BRD8: variants seen among roughly 807,000 people sequenced by gnomAD.
The protein encoded by BRD8 is bromodomain-containing protein 8.
Under a neutral mutation model 143.1 loss-of-function variants are expected in BRD8, and 67 were observed. That is an observed-to-expected ratio of 0.47 (90% CI 0.38 to 0.57). The LOEUF (loss-of-function observed/expected upper bound fraction) is 0.57, where lower values mean the gene tolerates loss of function less well. BRD8 is among the 20% of genes least tolerant of loss of function. The pLI, the probability that BRD8 is intolerant of heterozygous loss-of-function variation, is 0.00. For missense variants in BRD8, 1,103 were observed against 1,503.0 expected (o/e 0.73, Z 4.40); for synonymous variants, 505 against 517.1 (o/e 0.98, Z 0.32).
intron 20 of BRD8, among the ~76,000 whole-genome samples, chr5:138,153,673 C>CTTTTTTT (rs67848204): frequency 9.3e-6 from 1 of 107,358 alleles, no homozygotes; most frequent in Non-Finnish European, 1.9e-5. Context: ...CTTTTCTTTT[C>CTTTTTTT]TTTTTTTTTT....
intron 6 of BRD8, 156 bp from the exon 7 acceptor site, chr5:138,170,565 A>ACT: frequency 2.4e-6 from 2 of 845,358 alleles, no homozygotes; most frequent in Non-Finnish European, 4.1e-6. Context: ...ATTGGGGTAT[A>ACT]CTGCCTAACT....
chr5:138,146,940 A>G (rs1250662408), intron 23 of BRD8, among the ~76,000 whole-genome samples: 2 of 146,824 alleles, frequency 1.4e-5, no homozygotes, highest in East Asian at 4.1e-4. Flanking sequence ...ACTGCACTGC[A>G]GCCTGGGCGA....
At position 138,166,044 on chromosome 5, in the gene BRD8, G is replaced by T. The variant is rs1753391229; in HGVS notation, c.1062C>A (p.Ser354=). 1 of 1,614,118 alleles carries T rather than the reference G, an allele frequency of 6.2e-7. No individual in the cohort carries two copies. The highest frequency in any genetic ancestry group is 8.5e-7 in the Non-Finnish European group (1 of 1,180,008). ...TCATGGATATTTCACTGCTGTCCAT[G>T]GAAACAGTCACAGTATGTGGATCCC... ...AVGDPHTVTV[S]MDSSEISMII... The change falls in exon 11 of 27, where the codon TCC becomes TCA. Residue 354 remains serine (S), a synonymous_variant. Coordinates refer to ENST00000254900, the MANE Select transcript of BRD8 (RefSeq NM_139199.2).
Position 138,149,796 on chromosome 5 carries a change from C to CCCTAGGAATTT in BRD8, c.3121_3122insAAATTCCTAGG (p.Gly1041GlufsTer57). Reference sequence around the variant, plus strand: ...CCCTTTGGATTCTTGCTGAGCCTCCCCCTAGGAATGCCAGGAAACAGGAAA... The same window carrying CCCTAGGAATTT: ...CCCTTTGGATTCTTGCTGAGCCTCCCCCTAGGAATTTCCTAGGAATGCCAGGAAACAGGAAA... On this transcript the variant is annotated frameshift_variant and splice_region_variant, in exon 23 of 27. Coordinates refer to ENST00000254900, the MANE Select transcript of BRD8 (RefSeq NM_139199.2). LOFTEE classifies it high-confidence loss of function. 6.9e-6 allele frequency: 11 copies of CCCTAGGAATTT among 1,593,820 alleles called. No homozygotes were observed. In the South Asian group the frequency reaches 1.3e-4, roughly 18 times the overall value.
intron 20 of BRD8, chr5:138,156,834 A>G: frequency 2.0e-6 from 2 of 978,092 alleles, no homozygotes; most frequent in Non-Finnish European, 2.4e-6. Flanking sequence ...ATACACACAC[A>G]CACACACACA....
chr5:138,172,732 G>C (rs965444016), intron 2 of BRD8: 7 of 413,326 alleles, frequency 1.7e-5, no homozygotes, highest in Non-Finnish European at 2.8e-5. Context: ...GCGGCCTGTG[G>C]TCCCAGCTAC....
In BRD8 at chr5:138,172,098, T is replaced by G; in HGVS notation, c.153A>C (p.Glu51Asp). Residue 51 changes from glutamate to aspartate, a missense_variant, in exon 3 of 27, where the codon GAA (glutamate) becomes GAC (aspartate). Glu to Asp is a conservative substitution (Grantham distance 45). Transcript: ENST00000254900. ...SVSRAIKPFA[E>D]PGRPPDWFSQ... ...AGAACCAGTCTGGAGGGCGGCCAGGTTCTGCAAAGGGCTTGATTGCTCTGC... is the reference window on the plus strand; with the variant it reads ...AGAACCAGTCTGGAGGGCGGCCAGGGTCTGCAAAGGGCTTGATTGCTCTGC... 1 of 1,613,512 alleles carries G rather than the reference T, an allele frequency of 6.2e-7. No homozygotes were observed. Among genetic ancestry groups the G allele is most frequent in the Non-Finnish European group, 8.5e-7 (1 of 1,179,904 alleles).
chr5:138,174,156 TTGTGTGTG>T (rs56254005), intron 2 of BRD8, among the ~76,000 whole-genome samples: 5 of 149,494 alleles, frequency 3.3e-5, no homozygotes, highest in African/African-American at 1.2e-4. Context: ...CAGTATTCCA[TTGTGTGTG>T]TGTGTGTGTG....
rs766565124 is a variant in BRD8, at chr5:138,171,416, A to T, written c.187-6T>A. ...GAGTACTGGGAAGCACAATGCTATT[A>T]AAAAAAAAAAAAAAAGTGAAAATGT... On this transcript the variant is annotated splice_region_variant and splice_polypyrimidine_tract_variant and intron_variant, in intron 3 of 26. Transcript: ENST00000254900. The T allele has an allele frequency of 1.6e-4, 1 of 6,314 alleles. No individual in the cohort carries two copies. The highest frequency in any genetic ancestry group is 2.1e-4 in the Non-Finnish European group (1 of 4,796). 0.4% of individuals were successfully genotyped at this position (6,314 alleles called of 1,614,324 possible). A position where few individuals can be genotyped will look rare whatever the true frequency, so the allele number is the denominator to read the frequency against.
At position 138,150,944 on chromosome 5, in the gene BRD8, G is replaced by A; in HGVS notation, c.2921C>T (p.Pro974Leu). 2 of 1,614,126 alleles carry A rather than the reference G, an allele frequency of 1.2e-6. No individual in the cohort carries two copies. The highest frequency in any genetic ancestry group is 1.7e-6 in the Non-Finnish European group (2 of 1,180,020). The change falls in exon 22 of 27, where the codon CCA (proline) becomes CTA (leucine). Residue 974 changes from proline to leucine, a missense_variant. Pro to Leu is a moderately conservative substitution (Grantham distance 98). Coordinates refer to ENST00000254900, the MANE Select transcript of BRD8 (RefSeq NM_139199.2). ...SNESSEGCCP[P>L]SGTRQEGREI... ...CCTTCCTTCTTGTCTGGTACCAGAT[G>A]GAGGGCAGCAGCCTTCACTTGATTC...
At chr5:138,166,225 G>A (rs1481967604) in intron 10 of BRD8, 117 bp from the exon 11 acceptor site, 2 of 764,974 alleles carry the variant, frequency 2.6e-6, no homozygotes, top group Non-Finnish European at 2.2e-6. Flanking sequence ...AGGTCAGAAA[G>A]AGTCATCAAC....
intron 8 of BRD8, chr5:138,168,839 T>A: frequency 1.7e-6 from 1 of 600,424 alleles, no homozygotes; most frequent in Non-Finnish European, 2.9e-6. Flanking sequence ...TAGCCATACT[T>A]TTCTTCCCCA....
In BRD8 at chr5:138,172,041, A is replaced by C. The variant is rs375609384; in HGVS notation, c.186+24T>G. 5 of 1,605,674 alleles carry C rather than the reference A, an allele frequency of 3.1e-6. No homozygotes were observed. The African/African-American group carries it at 6.7e-5, about 21-fold the overall frequency. On this transcript the variant is annotated intron_variant, in intron 3 of 26. Transcript: ENST00000254900. Reference sequence around the variant, plus strand: ...CTTTACAACCCAAAGACTGCTCTAAAAGAGCCCTTGCTTGGGAACTTACTT... The same window carrying C: ...CTTTACAACCCAAAGACTGCTCTAACAGAGCCCTTGCTTGGGAACTTACTT...
intron 20 of BRD8, among the ~76,000 whole-genome samples, chr5:138,156,243 G>GCTTCTT (rs1452573299): frequency 6.6e-6 from 1 of 151,824 alleles, no homozygotes; most frequent in African/African-American, 2.4e-5. Flanking sequence ...GGGTTCAAGT[G>GCTTCTT]CTTCTTCTGC....
At chr5:138,155,445 G>A (rs1427624692) in intron 20 of BRD8, among the ~76,000 whole-genome samples, 5 of 139,284 alleles carry the variant, frequency 3.6e-5, no homozygotes, top group Non-Finnish European at 4.6e-5. Context: ...GTGAAACTCC[G>A]AATTTAAAAA....
chr5:138,151,027 A>G lies in BRD8; in HGVS notation c.2857-19T>C, dbSNP rs1187860975. On this transcript the variant is annotated intron_variant, in intron 21 of 26. Transcript: ENST00000254900. The stretch of plus-strand genomic sequence containing the variant: ...AAGCTACCTGCAATCAAAGTTTATT[A>G]TTAGATGCACAGGAACACCACTGAA... 1.9e-6 allele frequency: 3 copies of G among 1,604,836 alleles called. No homozygotes were observed. The Admixed American group carries it at 5.0e-5, about 27-fold the overall frequency.
chr5:138,163,412 A>T (rs2151200929), intron 14 of BRD8, 68 bp from the exon 15 acceptor site: 1 of 1,563,916 alleles, frequency 6.4e-7, no homozygotes, highest in Admixed American at 1.7e-5. Flanking sequence ...ATTAAACATG[A>T]TCTGTCTTTT....
At chr5:138,163,686 A>C in intron 14 of BRD8, 1 of 1,301,418 alleles carries the variant, frequency 7.7e-7, no homozygotes. Context: ...TTTGTGTCTC[A>C]TTTGATGGAG....
At position 138,169,286 on chromosome 5, in the gene BRD8, G is replaced by A. The variant is rs139423469; in HGVS notation, c.578C>T (p.Ser193Phe). 1,103 of 1,614,162 alleles carry A rather than the reference G, an allele frequency of 6.8e-4. 9 individuals carry two copies. The highest frequency in any genetic ancestry group is 6.0e-3 in the South Asian group (549 of 91,084). Residue 193 changes from serine to phenylalanine, a missense_variant, in exon 8 of 27, where the codon TCC becomes TTC. Transcript: ENST00000254900. ...CCCAAGTGGATAATCACCTCCTGGGGAGGCAGAATCTATAGGAGAGCGAAC... is the reference window on the plus strand; with the variant it reads ...CCCAAGTGGATAATCACCTCCTGGGAAGGCAGAATCTATAGGAGAGCGAAC... ...VMVRSPIDSA[S>F]PGGDYPLGDL...
Sources: allele counts gnomAD v4.1 joint callset (sites outside exome capture counted in the v4.1 genomes callset), GRCh38; gene constraint gnomAD v4.1.1; transcripts MANE v1.5; gene names NCBI Gene and HGNC (gene_info 2026-07-23, HGNC 2026-07-21).